MICAL2: variants seen among roughly 807,000 people sequenced by gnomAD.
MICAL2 encodes [F-actin]-monooxygenase MICAL2.
In MICAL2, 77 loss-of-function variants were observed where a neutral mutation model predicts 127.3. The observed-to-expected ratio is 0.60, with a 90% CI of 0.50 to 0.73. The LOEUF (loss-of-function observed/expected upper bound fraction) is 0.73, where lower values mean the gene tolerates loss of function less well. Among genes scored for constraint, MICAL2 ranks in the 30% least tolerant of loss-of-function variants. The pLI is 0.00. For missense variants in MICAL2, 1,351 were observed against 1,434.4 expected (o/e 0.94, Z 0.94); for synonymous variants, 570 against 551.1 (o/e 1.03, Z -0.48).
chr11:12,113,850 C>T (rs779171328), intron 1 of MICAL2, among the ~76,000 whole-genome samples: 4 of 152,132 alleles, frequency 2.6e-5, no homozygotes, highest in Non-Finnish European at 5.9e-5. Flanking sequence ...GGGGGGGCTA[C>T]AGTACTTACC....
chr11:12,261,432 G>T (rs1863096530), intron 26 of MICAL2: 1 of 985,424 alleles, frequency 1.0e-6, no homozygotes, highest in African/African-American at 1.7e-5. Flanking sequence ...TCTTACTCTG[G>T]GTATCTAGAA....
intron 23 of MICAL2, chr11:12,256,429 A>G: frequency 5.4e-6 from 1 of 183,974 alleles, no homozygotes; most frequent in African/African-American, 2.3e-5. Context: ...TCCCAAGGAC[A>G]GATCCTGGAA....
At chr11:12,160,952 G>A (rs1197464406) in intron 2 of MICAL2, among the ~76,000 whole-genome samples, 2 of 152,144 alleles carry the variant, frequency 1.3e-5, no homozygotes, top group South Asian at 2.1e-4. Flanking sequence ...ACTTGTCCAC[G>A]ATGAACACTG....
chr11:12,175,174 A>G (rs957757149), intron 3 of MICAL2, among the ~76,000 whole-genome samples: 1 of 151,828 alleles, frequency 6.6e-6, no homozygotes, highest in African/African-American at 2.4e-5. Context: ...CTAGGGACAT[A>G]GCAGTAAAGA....
chr11:12,227,192 G>A lies in MICAL2; in HGVS notation c.1995+61G>A, dbSNP rs1250852019. The A allele has an allele frequency of 6.5e-5, 79 of 1,210,240 alleles. No individual in the cohort carries two copies. The Admixed American group carries it at 1.2e-3, about 19-fold the overall frequency. 75.0% of individuals were successfully genotyped at this position (1,210,240 alleles called of 1,614,324 possible). On this transcript the variant is annotated intron_variant, in intron 15 of 27. Transcript: ENST00000683283. ...TGCACATGGACGGGGTATGAGGAAC[G>A]GAGATTGTCACATTCTCAGCCTGTT...
At chr11:12,238,903 G>A (rs1329185952) in intron 16 of MICAL2, among the ~76,000 whole-genome samples, 1 of 152,142 alleles carries the variant, frequency 6.6e-6, no homozygotes, top group Non-Finnish European at 1.5e-5. Flanking sequence ...AAATAGAGCA[G>A]GGCTGGTTAA....
At chr11:12,136,353 C>T (rs76208003) in intron 1 of MICAL2, among the ~76,000 whole-genome samples, 4,411 of 152,258 alleles carry the variant, frequency 0.029, 210 homozygotes, top group African/African-American at 0.1. Context: ...GGGTGAAGCA[C>T]TTCGCTGTGC....
intron 29 of MICAL2, among the ~76,000 whole-genome samples, chr11:12,307,551 A>G (rs1004151952): frequency 1.3e-5 from 2 of 152,210 alleles, no homozygotes; most frequent in Non-Finnish European, 2.9e-5. Context: ...TATAGTTTCT[A>G]GATTTTCGGC....
chr11:12,143,343 G>C (rs1049809950), intron 2 of MICAL2, among the ~76,000 whole-genome samples: 1 of 152,208 alleles, frequency 6.6e-6, no homozygotes. Context: ...GCTCTGAAGT[G>C]GGAGAGGAGG....
intron 1 of MICAL2, among the ~76,000 whole-genome samples, chr11:12,277,888 C>T (rs1166926550): frequency 6.6e-6 from 1 of 152,250 alleles, no homozygotes; most frequent in African/African-American, 2.4e-5. Flanking sequence ...TCCCAGGCTA[C>T]AGACCTGCAC....
chr11:12,259,411 G>C (rs965594532), intron 25 of MICAL2, among the ~76,000 whole-genome samples: 1 of 152,054 alleles, frequency 6.6e-6, no homozygotes, highest in Non-Finnish European at 1.5e-5. Context: ...GTCTATAAAT[G>C]GTCAATAATT....
chr11:12,114,778 G>A (rs758339515), intron 1 of MICAL2, among the ~76,000 whole-genome samples: 9 of 152,170 alleles, frequency 5.9e-5, no homozygotes, highest in African/African-American at 1.7e-4. Flanking sequence ...TCCTCAGCAC[G>A]CGTCGGTCTG....
At position 12,200,860 on chromosome 11, in the gene MICAL2, G is replaced by T. The variant is rs377102176; in HGVS notation, c.265-3390G>T. Among the ~76,000 whole-genome samples, 3 of 152,350 alleles carry T rather than the reference G, an allele frequency of 2.0e-5. No individual in the cohort carries two copies. The South Asian group carries it at 6.2e-4, about 32-fold the overall frequency. On this transcript the variant is annotated intron_variant, in intron 3 of 27. Coordinates refer to ENST00000683283, the MANE Select transcript of MICAL2 (RefSeq NM_001282663.2). ...TGCCTTGTCCAGGGAGCAGTACTGG[G>T]TCGGGCCTGGTGGACAGAAGGATGC...
chr11:12,122,843 T>C (rs564801238), intron 1 of MICAL2, among the ~76,000 whole-genome samples: 1 of 152,302 alleles, frequency 6.6e-6, no homozygotes, highest in East Asian at 1.9e-4. Context: ...TGGGAGAGCC[T>C]TATCATCAAT....
downstream of MICAL2, chr11:12,293,515 T>C (rs1863929975): frequency 6.5e-7 from 1 of 1,529,836 alleles, no homozygotes; most frequent in Non-Finnish European, 8.8e-7. Context: ...TATAAATAAA[T>C]GATGAAAATT....
chr11:12,222,324 T>C (rs1024432997), intron 10 of MICAL2, among the ~76,000 whole-genome samples: 12 of 152,114 alleles, frequency 7.9e-5, no homozygotes, highest in African/African-American at 2.7e-4. Flanking sequence ...TGGCTGAACA[T>C]GGTTATGGCA....
chr11:12,120,020 C>T lies in MICAL2; in HGVS notation c.-149+9294C>T, dbSNP rs970419204. ...AGGCAGCTGTGCTTACAGTTGGCTG[C>T]GTGTACCGAAGGACAGAGCCTCATC... On this transcript the variant is annotated intron_variant, in intron 1 of 27. Transcript: ENST00000683283. Among the ~76,000 whole-genome samples, 6 of 152,174 alleles carry T rather than the reference C, an allele frequency of 3.9e-5. No individual in the cohort carries two copies. In the East Asian group the frequency reaches 5.8e-4, roughly 15 times the overall value.
At position 12,209,845 on chromosome 11, in the gene MICAL2, G is replaced by A. The variant is rs529937459; in HGVS notation, c.691+247G>A. Among the ~76,000 whole-genome samples the A allele has an allele frequency of 3.9e-5, 6 of 152,232 alleles. No homozygotes were observed. In the South Asian group the frequency reaches 1.0e-3, roughly 26 times the overall value. On this transcript the variant is annotated intron_variant, in intron 6 of 27. Transcript: ENST00000683283. The stretch of plus-strand genomic sequence containing the variant: ...TCTCAGCTGTAAGATGTGGATCACA[G>A]AACCCTTTCAAAGTGTTGTTATGCG...
At chr11:12,125,946 A>T (rs1450523323) in intron 1 of MICAL2, among the ~76,000 whole-genome samples, 1 of 152,150 alleles carries the variant, frequency 6.6e-6, no homozygotes, top group Non-Finnish European at 1.5e-5. Context: ...ATGTGGAGTG[A>T]GTGACTCACC....
Sources: gnomAD v4.1 joint callset for allele counts (sites outside exome capture counted in the v4.1 genomes callset) on GRCh38, gnomAD v4.1.1 for gene constraint, MANE v1.5 for transcripts, NCBI Gene and HGNC (gene_info 2026-07-23, HGNC 2026-07-21) for gene names.